The following USP3 variants were observed in gnomAD, a reference collection of about 807,000 sequenced individuals.
USP3 encodes the protein ubiquitin carboxyl-terminal hydrolase 3.
USP3 carries 20 observed loss-of-function variants against 72.3 expected under a neutral mutation model. The ratio of observed to expected loss-of-function variants is 0.28; its 90% CI spans 0.19 to 0.40. The LOEUF (loss-of-function observed/expected upper bound fraction) is 0.40. Among genes scored for constraint, USP3 ranks in the 10% least tolerant of loss-of-function variants. The pLI, the probability that USP3 is intolerant of heterozygous loss-of-function variation, is 1.00. For synonymous variants in USP3, 222 were observed against 225.3 expected, an observed-to-expected ratio of 0.99 and a Z score of 0.13; for missense variants, 479 against 633.9, an observed-to-expected ratio of 0.76 and a Z score of 2.62.
At chr15:63,566,414 G>C (rs1414743325) in intron 8 of USP3, among the ~76,000 whole-genome samples, 1 of 151,902 alleles carries the variant, frequency 6.6e-6, no homozygotes, top group African/African-American at 2.4e-5. Context: ...CTGGGTTCAA[G>C]TGATTCTCCT....
chr15:63,590,355 A>C (rs1338300486), intron 14 of USP3, among the ~76,000 whole-genome samples: 3 of 151,938 alleles, frequency 2.0e-5, no homozygotes, highest in Non-Finnish European at 4.4e-5. Context: ...GTTTTTTCCT[A>C]AGATTCTGAT....
chr15:63,524,663 C>T (rs1464555324), intron 1 of USP3, among the ~76,000 whole-genome samples: 1 of 152,074 alleles, frequency 6.6e-6, no homozygotes, highest in Non-Finnish European at 1.5e-5. Context: ...TCTCTCTGTC[C>T]CCCAGTGGTG....
At chr15:63,514,045 A>G (rs969945980) in intron 1 of USP3, among the ~76,000 whole-genome samples, 1 of 152,232 alleles carries the variant, frequency 6.6e-6, no homozygotes, top group African/African-American at 2.4e-5. Flanking sequence ...ATGCTTTAGC[A>G]TTGGAGAAAT....
At chr15:63,582,898 T>G (rs1421658149) in intron 11 of USP3, among the ~76,000 whole-genome samples, 2 of 152,230 alleles carry the variant, frequency 1.3e-5, no homozygotes, top group African/African-American at 4.8e-5. Context: ...GCATTTCACA[T>G]AAATGCAGAT....
intron 1 of USP3, chr15:63,532,402 G>A (rs560675876): frequency 8.8e-6 from 5 of 568,184 alleles, no homozygotes; most frequent in South Asian, 2.0e-5. Flanking sequence ...TGTGTTTAAC[G>A]TGGTTAAGCT....
chr15:63,504,884 G>C (rs2065687061), intron 1 of USP3, 54 bp downstream of exon 1: 2 of 1,419,270 alleles, frequency 1.4e-6, no homozygotes, highest in Admixed American at 2.5e-5. Flanking sequence ...CGGCTCTGCC[G>C]GGCCTGCCGT....
At position 63,532,720 on chromosome 15, in the gene USP3, C is replaced by A. The variant is rs775685636; in HGVS notation, c.152+13C>A. 47 of 1,613,384 alleles carry A rather than the reference C, an allele frequency of 2.9e-5. No homozygotes were observed. In the African/African-American group the frequency reaches 6.1e-4, roughly 21 times the overall value. On this transcript the variant is annotated intron_variant, in intron 2 of 14. Transcript: ENST00000380324. ...TCCACTGTGGAAGGTAGGTGACATA[C>A]TTATTACTTCACTGACCTATTTGCT...
intron 3 of USP3, among the ~76,000 whole-genome samples, chr15:63,550,936 C>T (rs760679796): frequency 4.6e-5 from 7 of 152,040 alleles, no homozygotes; most frequent in Non-Finnish European, 7.4e-5. Context: ...GTGGGAGGAT[C>T]GCTTGAGGCC....
At chr15:63,589,970 A>T (rs1330874383) in intron 14 of USP3, among the ~76,000 whole-genome samples, 1 of 121,390 alleles carries the variant, frequency 8.2e-6, no homozygotes, top group Non-Finnish European at 2.0e-5. Context: ...TCTTTTTGAA[A>T]CTATTAGCAC....
intron 9 of USP3, among the ~76,000 whole-genome samples, chr15:63,572,283 C>A (rs981443313): frequency 5.9e-5 from 9 of 152,016 alleles, no homozygotes; most frequent in Non-Finnish European, 1.3e-4. Context: ...AAATGTAATT[C>A]TTAATGAAGC....
At chr15:63,510,925 G>A (rs2065772328) in intron 1 of USP3, among the ~76,000 whole-genome samples, 2 of 151,992 alleles carry the variant, frequency 1.3e-5, no homozygotes, top group Non-Finnish European at 2.9e-5. Flanking sequence ...AAAATCTTTG[G>A]GGTCGTTGAA....
chr15:63,574,276 C>A lies in USP3; in HGVS notation c.1016-47C>A. On this transcript the variant is annotated intron_variant, in intron 10 of 14. Transcript: ENST00000380324. This position sits in a 1 kb window ranked among gnomAD's most constrained non-coding sequence, Gnocchi z 4.6. ...AGTTTGTGAAATTATTTTGAATGGA[C>A]ATATATGCCTTTAACAGCTCTCTGT... The A allele has an allele frequency of 1.3e-6, 2 of 1,504,752 alleles. No homozygotes were observed. Among genetic ancestry groups the A allele is most frequent in the Non-Finnish European group, 1.8e-6 (2 of 1,119,264 alleles). The allele number at this position is 1,504,752 out of a possible 1,614,324, so 93.2% of individuals were successfully genotyped here.
chr15:63,549,495 G>A (rs1311918541), intron 3 of USP3, among the ~76,000 whole-genome samples: 1 of 152,128 alleles, frequency 6.6e-6, no homozygotes, highest in African/African-American at 2.4e-5. Context: ...CATATAAATC[G>A]AAAATCAACT....
At position 63,529,349 on chromosome 15, in the gene USP3, T is replaced by C. The variant is rs1476081256; in HGVS notation, c.92-3298T>C. Among the ~76,000 whole-genome samples, 2 of 152,172 alleles carry C rather than the reference T, an allele frequency of 1.3e-5. No individual in the cohort carries two copies. The highest frequency in any genetic ancestry group is 2.4e-5 in the African/African-American group (1 of 41,436). On this transcript the variant is annotated intron_variant, in intron 1 of 14. Transcript: ENST00000380324. This position sits in a 1 kb window ranked among gnomAD's most constrained non-coding sequence, Gnocchi z 4.2. ...TCACATAACATAAAGTTAACCATCT[T>C]AAAGTGAACAATTCAGTGGCGTTTA...
intron 1 of USP3, among the ~76,000 whole-genome samples, chr15:63,515,888 G>T (rs2065844528): frequency 6.6e-6 from 1 of 152,082 alleles, no homozygotes. Context: ...ATCTCTGTAG[G>T]CTCTATTTAG....
chr15:63,576,250 G>C (rs2066861907), intron 11 of USP3, among the ~76,000 whole-genome samples: 2 of 152,172 alleles, frequency 1.3e-5, no homozygotes, highest in Admixed American at 1.3e-4. Context: ...GCTTCCTAAA[G>C]TGCTGGGATT....
At chr15:63,521,143 C>CTT (rs57191228) in intron 1 of USP3, among the ~76,000 whole-genome samples, 98 of 137,450 alleles carry the variant, frequency 7.1e-4, no homozygotes, top group African/African-American at 1.2e-3. Flanking sequence ...TTCTTTTGGA[C>CTT]TTTTTTTTTT....
rs2066016656 is a variant in USP3 at position 63,528,397 on chromosome 15, T to C, written c.92-4250T>C. Among the ~76,000 whole-genome samples, 1 of 152,186 alleles carries C rather than the reference T, an allele frequency of 6.6e-6. No homozygotes were observed. Among genetic ancestry groups the C allele is most frequent in the African/African-American group, 2.4e-5 (1 of 41,446 alleles). ...GATGTATTAAAGAGCCCTTATAAAT[T>C]CCCAGACTTAACTTTTTAAGCCTTC... On this transcript the variant is annotated intron_variant, in intron 1 of 14. Coordinates refer to ENST00000380324, the MANE Select transcript of USP3 (RefSeq NM_006537.4). The surrounding 1 kb of genome is among the most constrained non-coding windows in gnomAD (Gnocchi z 4.3).
At chr15:63,526,376 A>G (rs1486109213) in intron 1 of USP3, among the ~76,000 whole-genome samples, 1 of 152,208 alleles carries the variant, frequency 6.6e-6, no homozygotes, top group Non-Finnish European at 1.5e-5. Flanking sequence ...TCTGTGCCTC[A>G]GTTTCCTCTT....
Sources: allele counts gnomAD v4.1 joint callset (sites outside exome capture counted in the v4.1 genomes callset), GRCh38; gene constraint gnomAD v4.1.1; non-coding constraint Gnocchi (gnomAD v3.1); transcripts MANE v1.5; gene names NCBI Gene and HGNC (gene_info 2026-07-23, HGNC 2026-07-21).